The following CD8B variants were observed in gnomAD, a reference collection of about 807,000 sequenced individuals.
CD8B encodes the protein CD8 subunit beta, also known as T-cell surface glycoprotein CD8 beta chain.
A neutral mutation model predicts 24.2 loss-of-function variants in CD8B; 6 were observed. That is an observed-to-expected ratio of 0.25 (90% confidence interval 0.14 to 0.49). The LOEUF is 0.49. CD8B is among the 20% of genes least tolerant of loss of function. The pLI is 0.98. For missense variants in CD8B, 196 were observed against 271.3 expected (o/e 0.72, Z 1.95); for synonymous variants, 84 against 108.3 (o/e 0.78, Z 1.39).
At chr2:86,843,574 T>C (rs1558757060) in intron 5 of CD8B, 32 of 983,544 alleles carry the variant, frequency 3.3e-5, no homozygotes, top group Non-Finnish European at 3.7e-5. Flanking sequence ...GATATAAATA[T>C]AATGTGTACA....
chr2:86,851,615 C>T (rs192366823), intron 3 of CD8B, among the ~76,000 whole-genome samples: 215 of 152,294 alleles, frequency 1.4e-3, no homozygotes, highest in Non-Finnish European at 2.5e-3. Flanking sequence ...TCAGTGCCGT[C>T]CTCAATAATT....
intron 5 of CD8B, among the ~76,000 whole-genome samples, chr2:86,825,881 A>G (rs1019909267): frequency 6.6e-6 from 1 of 151,910 alleles, no homozygotes; most frequent in Admixed American, 6.6e-5. Flanking sequence ...CATGCTCAAC[A>G]TGGTGTCAGC....
chr2:86,843,102 T>A (rs1558756824), intron 5 of CD8B, among the ~76,000 whole-genome samples: 1 of 152,208 alleles, frequency 6.6e-6, no homozygotes, highest in African/African-American at 2.4e-5. Context: ...AACTTTCTTT[T>A]TTTTTTTGAG....
At chr2:86,853,144 G>T in intron 2 of CD8B, 58 bp from the exon 3 acceptor site, 4 of 1,548,786 alleles carry the variant, frequency 2.6e-6, no homozygotes, top group Non-Finnish European at 3.5e-6. Flanking sequence ...TGGACTCAAA[G>T]ACAAAACTTT....
At chr2:86,815,704 C>T (rs769986478) in exon 6 of CD8B, 1 of 1,597,606 alleles carries the variant, frequency 6.3e-7, no homozygotes, top group Non-Finnish European at 8.6e-7. Context: ...TCCTGATATA[C>T]CTTCCCCTTG....
At chr2:86,825,958 T>G (rs1317906060) in intron 5 of CD8B, among the ~76,000 whole-genome samples, 1 of 151,532 alleles carries the variant, frequency 6.6e-6, no homozygotes. Context: ...CCTACCTGAA[T>G]GTGCAGACCT....
At chr2:86,850,611 G>A (rs1301302615) in intron 3 of CD8B, among the ~76,000 whole-genome samples, 1 of 152,042 alleles carries the variant, frequency 6.6e-6, no homozygotes, top group Admixed American at 6.6e-5. Context: ...AGGCCTGACT[G>A]ACTTGCCACT....
intron 5 of CD8B, among the ~76,000 whole-genome samples, chr2:86,821,447 C>A (rs745357144): frequency 6.6e-6 from 1 of 152,198 alleles, no homozygotes; most frequent in African/African-American, 2.4e-5. Flanking sequence ...ACTCAGCCGA[C>A]GGGAGCTTTG....
intron 2 of CD8B, among the ~76,000 whole-genome samples, chr2:86,854,025 G>A (rs1419685798): frequency 2.6e-5 from 4 of 151,032 alleles, no homozygotes; most frequent in Non-Finnish European, 4.4e-5. Context: ...ACAGGTACGA[G>A]CCACCGCACC....
At chr2:86,830,319 A>G (rs1046636035) in intron 5 of CD8B, among the ~76,000 whole-genome samples, 1 of 152,150 alleles carries the variant, frequency 6.6e-6, no homozygotes, top group African/African-American at 2.4e-5. Context: ...GGTGGCTCAC[A>G]CCTGTAATCA....
downstream of CD8B, among the ~76,000 whole-genome samples, chr2:86,837,996 G>C (rs1289333856): frequency 1.3e-5 from 2 of 152,204 alleles, no homozygotes; most frequent in African/African-American, 2.4e-5. Flanking sequence ...TGCAAATGTA[G>C]CTCGCCCAAA....
chr2:86,826,539 C>G (rs1033586761), intron 5 of CD8B, among the ~76,000 whole-genome samples: 5 of 152,118 alleles, frequency 3.3e-5, no homozygotes, highest in African/African-American at 9.7e-5. Context: ...GACTTGGGTG[C>G]ATCACCTGAG....
intron 5 of CD8B, among the ~76,000 whole-genome samples, chr2:86,830,011 A>T (rs1674845679): frequency 1.3e-5 from 2 of 152,142 alleles, no homozygotes; most frequent in African/African-American, 4.8e-5. Flanking sequence ...GTCATTTATT[A>T]CCTTGCATGG....
chr2:86,856,528 T>G (rs1676269591), intron 2 of CD8B, among the ~76,000 whole-genome samples: 2 of 152,174 alleles, frequency 1.3e-5, no homozygotes, highest in Admixed American at 6.5e-5. Context: ...TGTGTCTTCC[T>G]AATTGTGCTG....
downstream of CD8B, among the ~76,000 whole-genome samples, chr2:86,837,391 G>A (rs1187943832): frequency 1.3e-5 from 2 of 152,158 alleles, no homozygotes; most frequent in Admixed American, 1.3e-4. Context: ...TCAAACCGAC[G>A]CAGGGCTGGG....
rs990169496 is a variant in CD8B at position 86,840,026 on chromosome 2, T to A, written c.*2281A>T. On this transcript the variant is annotated 3_prime_UTR_variant, in exon 6 of 6. Coordinates refer to ENST00000390655, the MANE Select transcript of CD8B (RefSeq NM_004931.5). ...AGAGCTTTTGTTTCTTTTGAACACC[T>A]CTTGCTGAGGCAGGAGTCTAGGGTC... Among the ~76,000 whole-genome samples, 19 of 152,218 alleles carry A rather than the reference T, an allele frequency of 1.2e-4. No individual in the cohort carries two copies. The highest frequency in any genetic ancestry group is 2.2e-4 in the Non-Finnish European group (15 of 68,044).
chr2:86,828,331 T>TGTGTGTGC (rs1431920237), intron 5 of CD8B, among the ~76,000 whole-genome samples: 75 of 152,238 alleles, frequency 4.9e-4, no homozygotes, highest in Admixed American at 1.0e-3. Flanking sequence ...TGTGTGTGTG[T>TGTGTGTGC]GTGTGTGCGT....
downstream of CD8B, among the ~76,000 whole-genome samples, chr2:86,835,110 G>T (rs1237557207): frequency 6.6e-6 from 1 of 152,228 alleles, no homozygotes; most frequent in Non-Finnish European, 1.5e-5. Context: ...TGGGGCTGGC[G>T]GACTTTCTGA....
intron 2 of CD8B, among the ~76,000 whole-genome samples, chr2:86,854,777 T>C (rs552860219): frequency 1.3e-5 from 2 of 149,652 alleles, no homozygotes; most frequent in African/African-American, 4.9e-5. Flanking sequence ...GGAGACACCA[T>C]GAACCTAAAC....
Sources: gnomAD v4.1 joint callset for allele counts (sites outside exome capture counted in the v4.1 genomes callset) on GRCh38, gnomAD v4.1.1 for gene constraint, MANE v1.5 for transcripts, NCBI Gene and HGNC (gene_info 2026-07-23, HGNC 2026-07-21) for gene names.